The following CCDC171 variants were observed in gnomAD, a reference collection of about 807,000 sequenced individuals.
CCDC171 encodes coiled-coil domain containing 171.
CCDC171 carries 177 observed loss-of-function variants against 168.2 expected under a neutral mutation model. That is an observed-to-expected ratio of 1.05 (90% CI 0.93 to 1.19). CCDC171 has a LOEUF of 1.19. CCDC171 is among the 50% of genes most tolerant of loss of function. The pLI is 0.00. For synonymous variants in CCDC171, 687 were observed against 540.8 expected (o/e 1.27, Z -3.75); for missense variants, 1,991 against 1,539.0 (o/e 1.29, Z -4.91).
At chr9:16,004,150 C>T (rs528006664) in intron 3 of CCDC171, among the ~76,000 whole-genome samples, 5 of 152,266 alleles carry the variant, frequency 3.3e-5, no homozygotes, top group South Asian at 2.1e-4. Context: ...GCACCAGAAA[C>T]GGCTAGCCAC....
chr9:15,608,785 G>GA (rs750375380), intron 6 of CCDC171, among the ~76,000 whole-genome samples: 237 of 133,984 alleles, frequency 1.8e-3, no homozygotes, highest in East Asian at 3.0e-3. Context: ...CTCTCTCTAT[G>GA]AAAAAAAAAA....
At chr9:15,870,125 TAGAC>T (rs887308919) in intron 23 of CCDC171, among the ~76,000 whole-genome samples, 1 of 61,028 alleles carries the variant, frequency 1.6e-5, no homozygotes, top group Non-Finnish European at 5.3e-5. Context: ...TTATTTATAA[TAGAC>T]AGTGGGCTGG....
At position 15,820,846 on chromosome 9, in the gene CCDC171, A is replaced by G. The variant is rs1186648345; in HGVS notation, c.3268-25856A>G. Among the ~76,000 whole-genome samples, 3 of 117,342 alleles carry G rather than the reference A, an allele frequency of 2.6e-5. 1 individual carries two copies. The highest frequency in any genetic ancestry group is 9.6e-5 in the African/African-American group (3 of 31,166). 77.0% of individuals were successfully genotyped at this position (117,342 alleles called of 152,430 possible). ...CCCTAACTCATTTTATGAGGCCAGC[A>G]TCATCCTGATACCAAAGCGTGGCAG... On this transcript the variant is annotated intron_variant, in intron 21 of 25. Transcript: ENST00000380701.
intron 1 of CCDC171, among the ~76,000 whole-genome samples, chr9:16,051,051 T>C (rs1330617972): frequency 6.6e-6 from 1 of 152,244 alleles, no homozygotes; most frequent in African/African-American, 2.4e-5. Context: ...TTATTGCCTA[T>C]TTTACTGTAC....
chr9:15,577,637 T>G (rs1271230556), intron 3 of CCDC171, among the ~76,000 whole-genome samples: 1 of 152,220 alleles, frequency 6.6e-6, no homozygotes, highest in African/African-American at 2.4e-5. Flanking sequence ...GAAACCATTC[T>G]AAGTCTTAAA....
chr9:15,822,731 T>C (rs2059841058), intron 21 of CCDC171, among the ~76,000 whole-genome samples: 1 of 152,120 alleles, frequency 6.6e-6, no homozygotes, highest in African/African-American at 2.4e-5. Context: ...TTTTACACTG[T>C]TGGTGGGACT....
At chr9:15,905,036 C>G (rs1389313594) in intron 24 of CCDC171, among the ~76,000 whole-genome samples, 1 of 151,776 alleles carries the variant, frequency 6.6e-6, no homozygotes, top group Non-Finnish European at 1.5e-5. Flanking sequence ...TCCTTAGAGA[C>G]CTACAAAGAG....
intron 24 of CCDC171, among the ~76,000 whole-genome samples, chr9:15,917,804 G>C (rs1824738049): frequency 6.6e-6 from 1 of 151,610 alleles, no homozygotes; most frequent in Non-Finnish European, 1.5e-5. Flanking sequence ...TAATCCAGGA[G>C]CCTATTACTG....
intron 4 of CCDC171, 37 bp downstream of exon 4, chr9:15,579,060 G>A (rs1370558891): frequency 1.3e-6 from 2 of 1,549,962 alleles, no homozygotes; most frequent in Non-Finnish European, 1.8e-6. Flanking sequence ...GTTTAGGGTT[G>A]TAACCTGATT....
chr9:15,677,903 T>C (rs1407826077), intron 9 of CCDC171, among the ~76,000 whole-genome samples: 2 of 26,546 alleles, frequency 7.5e-5, no homozygotes, highest in African/African-American at 2.3e-4. Context: ...TATATATATA[T>C]ATATATATAT....
At chr9:15,993,352 C>G (rs561625673) in intron 3 of CCDC171, among the ~76,000 whole-genome samples, 1 of 152,122 alleles carries the variant, frequency 6.6e-6, no homozygotes, top group African/African-American at 2.4e-5. Flanking sequence ...GGAAAGGATT[C>G]CCTATTAATA....
At chr9:15,881,100 A>C (rs1182540761) in intron 24 of CCDC171, among the ~76,000 whole-genome samples, 2 of 152,180 alleles carry the variant, frequency 1.3e-5, no homozygotes, top group East Asian at 3.9e-4. Context: ...TATAAGAAGT[A>C]GTGAATTTGG....
rs12350951 is a variant in CCDC171, at chr9:16,010,953, A to G, written n.369-9636A>G. 3.6e-3 allele frequency among the ~76,000 whole-genome samples: 555 copies of G among 152,286 alleles called. 4 individuals carry two copies. Among genetic ancestry groups the G allele is most frequent in the African/African-American group, 0.013 (541 of 41,566 alleles). On this transcript the variant is annotated intron_variant and non_coding_transcript_variant, in intron 3 of 9. Coordinates refer to the CCDC171 transcript ENST00000486641. ...GGTAGAGCCTGATTCGCTCCTGAGTATCCATCTTCCCCTTTTTCTTTAGTA... is the reference window on the plus strand; with the variant it reads ...GGTAGAGCCTGATTCGCTCCTGAGTGTCCATCTTCCCCTTTTTCTTTAGTA...
chr9:16,056,652 T>C (rs2133079673), intron 1 of CCDC171, among the ~76,000 whole-genome samples: 1 of 152,264 alleles, frequency 6.6e-6, no homozygotes, highest in East Asian at 1.9e-4. Flanking sequence ...CACACCTGGC[T>C]AATTTTTATA....
intron 18 of CCDC171, among the ~76,000 whole-genome samples, chr9:15,753,291 G>A (rs1174207851): frequency 6.6e-6 from 1 of 152,092 alleles, no homozygotes; most frequent in Non-Finnish European, 1.5e-5. Flanking sequence ...GAGGAGAGAT[G>A]GCATTCAGAT....
intron 21 of CCDC171, among the ~76,000 whole-genome samples, chr9:15,809,125 C>T (rs989648773): frequency 2.6e-5 from 4 of 152,110 alleles, no homozygotes; most frequent in African/African-American, 7.2e-5. Context: ...AGGATTTCAA[C>T]ATAAAAATTT....
intron 18 of CCDC171, among the ~76,000 whole-genome samples, chr9:15,770,192 C>A (rs746802714): frequency 2.2e-4 from 34 of 152,268 alleles, no homozygotes; most frequent in Admixed American, 7.2e-4. Context: ...TATTAAAAAA[C>A]TTGATGTCCA....
chr9:15,951,181 T>C (rs1483885711), intron 25 of CCDC171, among the ~76,000 whole-genome samples: 1 of 150,536 alleles, frequency 6.6e-6, no homozygotes, highest in East Asian at 2.0e-4. Flanking sequence ...AATGGGAGAC[T>C]TTAACACCCC....
At chr9:16,080,026 G>C in the CCDC171 span, among the ~76,000 whole-genome samples, 1 of 152,126 alleles carries the variant, frequency 6.6e-6, no homozygotes, top group African/African-American at 2.4e-5. Context: ...ACTTCTCATG[G>C]CATCAGCTTC....
Sources: gnomAD v4.1 joint callset for allele counts (sites outside exome capture counted in the v4.1 genomes callset) on GRCh38, gnomAD v4.1.1 for gene constraint, MANE v1.5 for transcripts, NCBI Gene and HGNC (gene_info 2026-07-23, HGNC 2026-07-21) for gene names.